SWSAP1: variants seen among roughly 807,000 people sequenced by gnomAD.
SWSAP1 encodes the protein ATPase SWSAP1.
A neutral mutation model predicts 5.6 loss-of-function variants in SWSAP1; 4 were observed. That is an observed-to-expected ratio of 0.72 (90% CI 0.35 to 1.64). The LOEUF is 1.64. SWSAP1 is among the 40% of genes most tolerant of loss of function. SWSAP1 has a pLI of 0.05. For synonymous variants in SWSAP1, 139 were observed against 143.3 expected (o/e 0.97, Z 0.22); for missense variants, 354 against 319.8 (o/e 1.11, Z -0.82).
chr19:11,376,003 G>C lies in SWSAP1; in HGVS notation c.740G>C (p.Gly247Ala), dbSNP rs1381011415. 1 of 1,601,316 alleles carries C rather than the reference G, an allele frequency of 6.2e-7. No individual in the cohort carries two copies. The highest frequency in any genetic ancestry group is 1.3e-5 in the African/African-American group (1 of 74,790). ...AGCTCAGGCAAGGGTTCAAGCTCTG[G>C]AGGCCAGCCCTGAGCTTTGGTGGGT... The part of the protein sequence containing the change: ...DPSSGKGSSS[G>A]GQP Residue 247 changes from glycine (G) to alanine (A), a missense_variant, in exon 2 of 2, where the codon GGA becomes GCA. Transcript: ENST00000674460.
In SWSAP1 at chr19:11,375,657, G is replaced by A. The variant is rs749720726; in HGVS notation, c.394G>A (p.Ala132Thr). The change falls in exon 2 of 2, where the codon GCC (alanine) becomes ACC (threonine). Residue 132 changes from alanine to threonine, a missense_variant. By Grantham distance (58) the Ala-to-Thr change is moderately conservative. Transcript: ENST00000674460. ...YLAEDPEPQE[A>T]AYLIALLLDT... ...AGCGGAAGACCCAGAGCCCCAGGAAGCCGCCTACCTCATTGCCTTACTTCT... is the reference window on the plus strand; with the variant it reads ...AGCGGAAGACCCAGAGCCCCAGGAAACCGCCTACCTCATTGCCTTACTTCT... 1 of 1,614,202 alleles carries A rather than the reference G, an allele frequency of 6.2e-7. No individual in the cohort carries two copies. Among genetic ancestry groups the A allele is most frequent in the South Asian group, 1.1e-5 (1 of 91,090 alleles).
At position 11,375,910 on chromosome 19, in the gene SWSAP1, G is replaced by C; in HGVS notation, c.647G>C (p.Trp216Ser). Residue 216 changes from tryptophan to serine, a missense_variant, in exon 2 of 2, where the codon TGG becomes TCG. Trp to Ser is a radical substitution (Grantham distance 177, BLOSUM62 -3). Transcript: ENST00000674460. ...GGCGGGCTGGGCCCCAGAACAGAGT[G>C]GTGGGTGACTTTCCGATCAGATGGA... Reference protein sequence around the residue: ...EPGGLGPRTEWWVTFRSDGEM... With the variant: ...EPGGLGPRTESWVTFRSDGEM... The C allele has an allele frequency of 2.5e-6, 4 of 1,614,018 alleles. No individual in the cohort carries two copies. Among genetic ancestry groups the C allele is most frequent in the Non-Finnish European group, 3.4e-6 (4 of 1,180,024 alleles).
Position 11,375,815 on chromosome 19 carries a change from T to C in SWSAP1, c.552T>C (p.Pro184=), listed in dbSNP as rs955318854. 5.6e-6 allele frequency: 9 copies of C among 1,614,206 alleles called. No homozygotes were observed. The highest frequency in any genetic ancestry group is 7.6e-6 in the Non-Finnish European group (9 of 1,180,038). The change falls in exon 2 of 2, where the codon CCT becomes CCC. Residue 184 remains proline (P), a synonymous_variant. Coordinates refer to ENST00000674460, the MANE Select transcript of SWSAP1 (RefSeq NM_175871.4). ...LHLALLQRYF[P]AQCWLQPDAP... ...TGGCACTGCTCCAGCGGTATTTTCC[T>C]GCCCAGTGCTGGCTGCAGCCAGATG...
chr19:11,375,823 G>T lies in SWSAP1; in HGVS notation c.560G>T (p.Cys187Phe), dbSNP rs773081618. Reference protein sequence around the residue: ...ALLQRYFPAQCWLQPDAPGPG... With the variant: ...ALLQRYFPAQFWLQPDAPGPG... ...CTCCAGCGGTATTTTCCTGCCCAGT[G>T]CTGGCTGCAGCCAGATGCACCAGGT... Residue 187 changes from cysteine to phenylalanine, a missense_variant, in exon 2 of 2, where the codon TGC becomes TTC. Physicochemically the swap from Cys to Phe is radical, Grantham distance 205. Transcript: ENST00000674460. The T allele has an allele frequency of 6.2e-7, 1 of 1,614,136 alleles. No individual in the cohort carries two copies. Among genetic ancestry groups the T allele is most frequent in the Non-Finnish European group, 8.5e-7 (1 of 1,180,036 alleles).
At chr19:11,375,194 T>A (rs1968262458) in intron 1 of SWSAP1, among the ~76,000 whole-genome samples, 2 of 152,156 alleles carry the variant, frequency 1.3e-5, no homozygotes, top group South Asian at 4.1e-4. Flanking sequence ...GGGGCGGGGC[T>A]AAGCTTGGGT....
rs572163029 is a variant in SWSAP1, at chr19:11,374,926, C to T, written c.246C>T (p.Leu82=). 26 of 1,613,428 alleles carry T rather than the reference C, an allele frequency of 1.6e-5. No individual in the cohort carries two copies. The highest frequency in any genetic ancestry group is 4.4e-5 in the South Asian group (4 of 91,084). ...GTGTTLDPMR[L]QKIRFQYPPS... is the part of the protein sequence containing the mutation. ...GAACGACTCTAGACCCAATGCGACT[C>T]CAGGTAACCGTGGGGGTGGGAGCAG... is the stretch of plus-strand genomic sequence containing the variant. The change falls in exon 1 of 2, where the codon CTC becomes CTT. Residue 82 remains leucine (L), a synonymous_variant. Transcript: ENST00000674460.
chr19:11,375,659 C>T lies in SWSAP1; in HGVS notation c.396C>T (p.Ala132=), dbSNP rs951538353. 6.2e-7 allele frequency: 1 copy of T among 1,614,070 alleles called. No homozygotes were observed. Among genetic ancestry groups the T allele is most frequent in the African/African-American group, 1.3e-5 (1 of 74,926 alleles). The change falls in exon 2 of 2, where the codon GCC becomes GCT. Residue 132 remains alanine, a synonymous_variant. Transcript: ENST00000674460. Reference sequence around the variant, plus strand: ...CGGAAGACCCAGAGCCCCAGGAAGCCGCCTACCTCATTGCCTTACTTCTAG... The same window carrying T: ...CGGAAGACCCAGAGCCCCAGGAAGCTGCCTACCTCATTGCCTTACTTCTAG... ...YLAEDPEPQE[A]AYLIALLLDT... is the part of the protein sequence containing the mutation.
rs757204156 is a variant in SWSAP1, at chr19:11,375,546, G to A, written c.283G>A (p.Glu95Lys). The A allele has an allele frequency of 1.2e-6, 2 of 1,613,594 alleles. No individual in the cohort carries two copies. The highest frequency in any genetic ancestry group is 3.3e-5 in the Admixed American group (2 of 59,924). Residue 95 changes from glutamate (E) to lysine (K), a missense_variant, in exon 2 of 2, where the codon GAG becomes AAG. Physicochemically the swap from Glu to Lys is moderately conservative, Grantham distance 56. Transcript: ENST00000674460. ...CTTCCAGTACCCACCCTCAACCCGA[G>A]AGCTTTTCCGGCTCCTGTGCTCTGC... is the stretch of plus-strand genomic sequence containing the variant. ...IRFQYPPSTR[E>K]LFRLLCSAHE... is the part of the protein sequence containing the mutation.
chr19:11,375,066 C>A, intron 1 of SWSAP1, 137 bp downstream of exon 1: 2 of 1,124,136 alleles, frequency 1.8e-6, no homozygotes, highest in Non-Finnish European at 2.6e-6. Context: ...CGGAGTCAGG[C>A]AGGCGGAGTG....
Position 11,375,938 on chromosome 19 carries a change from AATG to A in SWSAP1, c.681_683del (p.Met227del). On this transcript the variant is annotated inframe_deletion, in exon 2 of 2. Transcript: ENST00000674460. ...GGGTGACTTTCCGATCAGATGGAGA[AATG>A]ATGATCGCTCCGTGGCCCACCCAGG... 2.5e-6 allele frequency: 4 copies of A among 1,613,548 alleles called. 1 individual carries two copies. Among genetic ancestry groups the A allele is most frequent in the Admixed American group, 3.3e-5 (2 of 60,010 alleles).
Position 11,375,413 on chromosome 19 carries a change from A to C in SWSAP1, c.250-100A>C, listed in dbSNP as rs1167145258. ...ATATTTAACAGCTCTGAACTGGTTC[A>C]TCCTGGAACCAAGGAAAGTATGCAA... On this transcript the variant is annotated intron_variant, in intron 1 of 1. Transcript: ENST00000674460. 5 of 1,507,206 alleles carry C rather than the reference A, an allele frequency of 3.3e-6. No individual in the cohort carries two copies. The African/African-American group carries it at 4.2e-5, about 13-fold the overall frequency. 93.4% of individuals were successfully genotyped at this position (1,507,206 alleles called of 1,614,324 possible). A position where few individuals can be genotyped will look rare whatever the true frequency, so the allele number is the denominator to read the frequency against.
Position 11,375,510 on chromosome 19 carries a change from T to C in SWSAP1, c.250-3T>C, listed in dbSNP as rs1195725806. The stretch of plus-strand genomic sequence containing the variant: ...GGCCCTTTCCTTCTGTTTCTCCTTC[T>C]AGAAGATCCGCTTCCAGTACCCACC... On this transcript the variant is annotated splice_region_variant and splice_polypyrimidine_tract_variant and intron_variant, in intron 1 of 1. Coordinates refer to ENST00000674460, the MANE Select transcript of SWSAP1 (RefSeq NM_175871.4). The C allele has an allele frequency of 4.4e-6, 7 of 1,601,726 alleles. No individual in the cohort carries two copies. The highest frequency in any genetic ancestry group is 3.3e-5 in the South Asian group (3 of 90,214).
chr19:11,374,790 C>A lies in SWSAP1; in HGVS notation c.110C>A (p.Ser37Tyr). ...PPLLLLGTPGSGKTALLFAAA... is the reference protein window; with the variant it reads ...PPLLLLGTPGYGKTALLFAAA... ...TTGCTGCTGCTCGGTACACCAGGAT[C>A]TGGAAAAACAGCGCTGCTATTTGCT... The change falls in exon 1 of 2, where the codon TCT becomes TAT. Residue 37 changes from serine to tyrosine, a missense_variant. Physicochemically the swap from Ser to Tyr is moderately radical, Grantham distance 144. Coordinates refer to ENST00000674460, the MANE Select transcript of SWSAP1 (RefSeq NM_175871.4). 1 of 1,613,738 alleles carries A rather than the reference C, an allele frequency of 6.2e-7. No homozygotes were observed. The highest frequency in any genetic ancestry group is 8.5e-7 in the Non-Finnish European group (1 of 1,179,874).
Position 11,375,779 on chromosome 19 carries a change from C to T in SWSAP1, c.516C>T (p.Asp172=), listed in dbSNP as rs527460811. ...LQTQEEAGSG[D]VLHLALLQRY... ...CCCAGGAGGAAGCAGGTAGTGGGGA[C>T]GTCCTGCACCTGGCACTGCTCCAGC... Residue 172 remains aspartate, a synonymous_variant, in exon 2 of 2, where the codon GAC becomes GAT. Transcript: ENST00000674460. The T allele has an allele frequency of 3.7e-4, 604 of 1,614,150 alleles. 6 individuals are homozygous for T. The South Asian group carries it at 5.8e-3, about 15-fold the overall frequency.
rs1307341317 is a variant in SWSAP1, at chr19:11,374,684, G to A, written c.4G>A (p.Ala2Thr). 14 of 1,529,042 alleles carry A rather than the reference G, an allele frequency of 9.2e-6. No individual in the cohort carries two copies. The highest frequency in any genetic ancestry group is 1.4e-5 in the African/African-American group (1 of 72,208). 94.7% of individuals were successfully genotyped at this position (1,529,042 alleles called of 1,614,324 possible). Residue 2 changes from alanine (A) to threonine (T), a missense_variant, in exon 1 of 2, where the codon GCG (alanine) becomes ACG (threonine). Ala to Thr is a moderately conservative substitution (Grantham distance 58). Transcript: ENST00000674460. M[A>T]ETLRRVLTRG... is the part of the protein sequence containing the mutation. ...ATTGGTCAGAGCTACGCGGCGAATG[G>A]CGGAGACGCTGAGGCGGGTGCTAAC... is the stretch of plus-strand genomic sequence containing the variant.
chr19:11,374,890 C>T lies in SWSAP1; in HGVS notation c.210C>T (p.Pro70=). The T allele has an allele frequency of 6.2e-7, 1 of 1,614,000 alleles. No homozygotes were observed. Among genetic ancestry groups the T allele is most frequent in the African/African-American group, 1.3e-5 (1 of 75,050 alleles). ...FLTRRPLQSM[P]RGTGTTLDPM... is the part of the protein sequence containing the mutation. ...CACGAAGGCCTCTTCAAAGCATGCC[C>T]CGCGGGACCGGAACGACTCTAGACC... The change falls in exon 1 of 2, where the codon CCC becomes CCT. Residue 70 remains proline (P), a synonymous_variant. Coordinates refer to ENST00000674460, the MANE Select transcript of SWSAP1 (RefSeq NM_175871.4).
rs951100923 is a variant in SWSAP1 at position 11,376,169 on chromosome 19, A to G, written c.*153A>G. 9.3e-6 allele frequency: 7 copies of G among 751,424 alleles called. No homozygotes were observed. Among genetic ancestry groups the G allele is most frequent in the African/African-American group, 1.8e-5 (1 of 56,468 alleles). The allele number at this position is 751,424 out of a possible 1,614,324, so 46.5% of individuals were successfully genotyped here. A position where few individuals can be genotyped will look rare whatever the true frequency, so the allele number is the denominator to read the frequency against. ...ATCTTGTATATATTTTACCCAATCA[A>G]TATGTTGTTTATAGTTTCATTGCTT... On this transcript the variant is annotated 3_prime_UTR_variant, in exon 2 of 2. Transcript: ENST00000674460.
In SWSAP1 at chr19:11,375,583, C is replaced by G; in HGVS notation, c.320C>G (p.Pro107Arg). 3 of 1,614,164 alleles carry G rather than the reference C, an allele frequency of 1.9e-6. No individual in the cohort carries two copies. The East Asian group carries it at 6.7e-5, about 36-fold the overall frequency. ...FRLLCSAHEA[P>R]GPAPSLLLLD... ...CTCCTGTGCTCTGCCCATGAGGCCC[C>G]GGGGCCAGCCCCCTCCCTTCTGCTG... Residue 107 changes from proline to arginine, a missense_variant, in exon 2 of 2, where the codon CCG becomes CGG. Pro to Arg is a moderately radical substitution (Grantham distance 103). Transcript: ENST00000674460.
In SWSAP1 at chr19:11,374,776, C is replaced by T. The variant is rs1404468727; in HGVS notation, c.96C>T (p.Leu32=). The T allele has an allele frequency of 2.5e-6, 4 of 1,613,158 alleles. No individual in the cohort carries two copies. Among genetic ancestry groups the T allele is most frequent in the African/African-American group, 2.7e-5 (2 of 74,990 alleles). The stretch of plus-strand genomic sequence containing the variant: ...CCGCCGGACCGCCTTTGCTGCTGCT[C>T]GGTACACCAGGATCTGGAAAAACAG... ...MPAAGPPLLL[L]GTPGSGKTAL... is the part of the protein sequence containing the mutation. Residue 32 remains leucine, a synonymous_variant, in exon 1 of 2, where the codon CTC becomes CTT. Coordinates refer to ENST00000674460, the MANE Select transcript of SWSAP1 (RefSeq NM_175871.4).
Sources: allele counts gnomAD v4.1 joint callset (sites outside exome capture counted in the v4.1 genomes callset), GRCh38; gene constraint gnomAD v4.1.1; transcripts MANE v1.5; gene names NCBI Gene and HGNC (gene_info 2026-07-23, HGNC 2026-07-21).